Variants in GALNT13 observed in about 807,000 individuals in gnomAD.
GALNT13 encodes polypeptide N-acetylgalactosaminyltransferase 13.
A neutral mutation model predicts 64.2 loss-of-function variants in GALNT13; 28 were observed. That is an observed-to-expected ratio of 0.44 (90% CI 0.32 to 0.60). The LOEUF (loss-of-function observed/expected upper bound fraction) is 0.60, where lower values mean the gene tolerates loss of function less well. Ranked by LOEUF, GALNT13 falls within the 20% of genes least tolerant of loss-of-function variation. The pLI is 0.05. For synonymous variants in GALNT13, 214 were observed against 224.6 expected, an observed-to-expected ratio of 0.95 and a Z score of 0.42; for missense variants, 577 against 669.8, an observed-to-expected ratio of 0.86 and a Z score of 1.53.
chr2:153,112,394 G>C, the GALNT13 span, among the ~76,000 whole-genome samples: 1 of 152,034 alleles, frequency 6.6e-6, no homozygotes, highest in Non-Finnish European at 1.5e-5. Context: ...GTCTAATCTA[G>C]GTTCAGTATT....
At chr2:153,475,813 C>A in the GALNT13 span, among the ~76,000 whole-genome samples, 1 of 152,172 alleles carries the variant, frequency 6.6e-6, no homozygotes, top group African/African-American at 2.4e-5. Flanking sequence ...GATGTTGCAG[C>A]CACAGCGTGA....
chr2:153,907,167 T>C (rs889941378), intron 2 of GALNT13, among the ~76,000 whole-genome samples: 5 of 151,768 alleles, frequency 3.3e-5, no homozygotes, highest in Non-Finnish European at 4.4e-5. Context: ...GATGAGTAGG[T>C]TGCGAAAATT....
chr2:154,216,237 A>G (rs978807332), intron 4 of GALNT13, among the ~76,000 whole-genome samples: 3 of 152,074 alleles, frequency 2.0e-5, no homozygotes, highest in African/African-American at 7.2e-5. Flanking sequence ...GATTAGATTC[A>G]GAGTGTATTA....
chr2:153,234,862 A>T, the GALNT13 span, among the ~76,000 whole-genome samples: 4 of 152,332 alleles, frequency 2.6e-5, no homozygotes, highest in Non-Finnish European at 5.9e-5. Flanking sequence ...CCAGGCATAT[A>T]AGGCTAAATT....
chr2:154,164,424 A>G (rs961951522), intron 4 of GALNT13, among the ~76,000 whole-genome samples: 1 of 152,152 alleles, frequency 6.6e-6, no homozygotes, highest in African/African-American at 2.4e-5. Context: ...AATATTTATA[A>G]GATTTCAACA....
chr2:153,702,733 G>C, the GALNT13 span, among the ~76,000 whole-genome samples: 1 of 152,102 alleles, frequency 6.6e-6, no homozygotes, highest in East Asian at 1.9e-4. Context: ...GATATTAAAA[G>C]CTTGGTTTTA....
chr2:153,817,141 A>G, the GALNT13 span, among the ~76,000 whole-genome samples: 1 of 152,216 alleles, frequency 6.6e-6, no homozygotes, highest in Non-Finnish European at 1.5e-5. Flanking sequence ...GAACTTCATG[A>G]CATCCCTTGC....
chr2:154,331,515 A>T (rs368273204), intron 9 of GALNT13, among the ~76,000 whole-genome samples: 117 of 151,964 alleles, frequency 7.7e-4, no homozygotes, highest in African/African-American at 2.6e-3. Context: ...CATGTTGCTC[A>T]GGCTGGTCTC....
the GALNT13 span, among the ~76,000 whole-genome samples, chr2:153,194,401 G>C: frequency 6.6e-6 from 1 of 151,880 alleles, no homozygotes; most frequent in Non-Finnish European, 1.5e-5. Context: ...ATTGTAATTT[G>C]TATTTTATTT....
intron 3 of GALNT13, among the ~76,000 whole-genome samples, chr2:153,949,495 G>T (rs1263588395): frequency 6.7e-6 from 1 of 148,826 alleles, no homozygotes; most frequent in Non-Finnish European, 1.5e-5. Context: ...GGGCAATATA[G>T]TGAGACTTCA....
At chr2:153,995,494 A>G (rs1695461444) in intron 3 of GALNT13, among the ~76,000 whole-genome samples, 1 of 152,110 alleles carries the variant, frequency 6.6e-6, no homozygotes, top group South Asian at 2.1e-4. Context: ...TTATTTCATA[A>G]CTATCATTTA....
the GALNT13 span, among the ~76,000 whole-genome samples, chr2:153,243,807 T>G: frequency 6.6e-6 from 1 of 152,146 alleles, no homozygotes; most frequent in Non-Finnish European, 1.5e-5. Context: ...AACATTAAAA[T>G]GAAAACACAC....
rs79577421 is a variant in GALNT13 at position 153,877,281 on chromosome 2, TTGG to T, written c.-177+4979_-177+4981del. Among the ~76,000 whole-genome samples the T allele has an allele frequency of 2.6e-5, 4 of 152,244 alleles. No homozygotes were observed. In the East Asian group the frequency reaches 5.8e-4, roughly 22 times the overall value. On this transcript the variant is annotated intron_variant, in intron 1 of 12. Coordinates refer to ENST00000392825, the MANE Select transcript of GALNT13 (RefSeq NM_052917.4). ...AGGTTTTAACATGAAGAGGAATTAA[TTGG>T]GACTCTGTTTCATATATTCCACTAC...
the GALNT13 span, among the ~76,000 whole-genome samples, chr2:153,523,446 C>A: frequency 6.6e-6 from 1 of 152,134 alleles, no homozygotes; most frequent in Non-Finnish European, 1.5e-5. Context: ...GTCTTTTGTT[C>A]ATAAAAACAA....
chr2:153,464,603 T>G, the GALNT13 span, among the ~76,000 whole-genome samples: 1 of 152,072 alleles, frequency 6.6e-6, no homozygotes, highest in Non-Finnish European at 1.5e-5. Flanking sequence ...AATTATATTA[T>G]AGCGAGCAGT....
At chr2:153,966,572 G>C (rs906104869) in intron 3 of GALNT13, among the ~76,000 whole-genome samples, 2 of 151,874 alleles carry the variant, frequency 1.3e-5, no homozygotes, top group African/African-American at 4.8e-5. Flanking sequence ...GTCTCACCGT[G>C]TTACCCAGGA....
At chr2:154,236,015 A>G in intron 4 of GALNT13, 1 of 1,193,338 alleles carries the variant, frequency 8.4e-7, no homozygotes, top group Non-Finnish European at 1.1e-6. Flanking sequence ...GATCAGCTGG[A>G]TTTATTTTTT....
the GALNT13 span, among the ~76,000 whole-genome samples, chr2:153,436,847 T>G: frequency 7.9e-5 from 12 of 152,232 alleles, no homozygotes; most frequent in Admixed American, 3.3e-4. Flanking sequence ...CTGATCTTAG[T>G]TACTTCTTGC....
At chr2:153,401,506 G>A in the GALNT13 span, among the ~76,000 whole-genome samples, 13 of 148,466 alleles carry the variant, frequency 8.8e-5, no homozygotes, top group African/African-American at 3.3e-4. Context: ...TCGTTGATCT[G>A]TCTAATGTTG....
Sources: gnomAD v4.1 joint callset for allele counts (sites outside exome capture counted in the v4.1 genomes callset) on GRCh38, gnomAD v4.1.1 for gene constraint, MANE v1.5 for transcripts, NCBI Gene and HGNC (gene_info 2026-07-23, HGNC 2026-07-21) for gene names.